Variants in A1CF observed in about 807,000 individuals in gnomAD.
A1CF encodes APOBEC-1 stimulating protein.
In A1CF, 48 loss-of-function variants were observed where a neutral mutation model predicts 68.9. The observed-to-expected ratio is 0.70, with a 90% CI of 0.55 to 0.89. A1CF has a LOEUF of 0.89. Ranked by LOEUF, A1CF falls within the 40% of genes least tolerant of loss-of-function variation. A1CF has a pLI of 0.00. For missense variants in A1CF, 653 were observed against 718.9 expected, an observed-to-expected ratio of 0.91 and a Z score of 1.05; for synonymous variants, 272 against 260.4, an observed-to-expected ratio of 1.04 and a Z score of -0.43.
intron 1 of A1CF, among the ~76,000 whole-genome samples, chr10:50,871,414 A>C (rs1841261593): frequency 2.0e-5 from 3 of 151,948 alleles, no homozygotes; most frequent in Admixed American, 2.0e-4. Context: ...GCTGATGTAA[A>C]AATATCAGTT....
At chr10:50,820,800 A>G (rs551253012) in intron 7 of A1CF, 151 bp from the exon 8 acceptor site, 26 of 534,808 alleles carry the variant, frequency 4.9e-5, no homozygotes, top group Non-Finnish European at 7.3e-5. Flanking sequence ...TCAACAGAAG[A>G]TTTTTTTTGC....
intron 1 of A1CF, among the ~76,000 whole-genome samples, chr10:50,869,675 C>T (rs1267593266): frequency 6.6e-6 from 1 of 151,854 alleles, no homozygotes; most frequent in Non-Finnish European, 1.5e-5. Context: ...AATCAATGTT[C>T]TAGAAGAATA....
chr10:50,858,995 A>G (rs911364500), intron 3 of A1CF, among the ~76,000 whole-genome samples: 3 of 152,166 alleles, frequency 2.0e-5, no homozygotes, highest in East Asian at 1.9e-4. Context: ...CTGACAAAGG[A>G]GCATCTAATG....
chr10:50,843,779 G>A (rs976938079), intron 4 of A1CF, among the ~76,000 whole-genome samples: 2 of 152,158 alleles, frequency 1.3e-5, no homozygotes, highest in African/African-American at 4.8e-5. Context: ...AGAAATTGTA[G>A]CAATTCAAGC....
intron 6 of A1CF, chr10:50,828,569 C>T: frequency 7.4e-6 from 2 of 271,072 alleles, no homozygotes; most frequent in Non-Finnish European, 7.0e-6. Context: ...GCAGCAGAGG[C>T]CACATTTGGC....
chr10:50,811,174 T>C lies in A1CF; in HGVS notation c.1326A>G (p.Ile442Met), dbSNP rs1338254159. Residue 442 changes from isoleucine (I) to methionine (M), a missense_variant and splice_region_variant, in exon 11 of 13, where the codon ATA (isoleucine) becomes ATG (methionine). Ile to Met is a conservative substitution (Grantham distance 10, BLOSUM62 1). Coordinates refer to ENST00000373997, the MANE Select transcript of A1CF (RefSeq NM_014576.4). ...KPQGIKLAPQ[I>M]LEEICQKNNW... The stretch of plus-strand genomic sequence containing the variant: ...TATTTTTCTGACAAATCTCTTCTAA[T>C]ATCTACAAGAATAAAAAAAGTTATT... The C allele has an allele frequency of 6.2e-7, 1 of 1,606,778 alleles. No individual in the cohort carries two copies. The highest frequency in any genetic ancestry group is 1.7e-5 in the Admixed American group (1 of 58,934).
chr10:50,851,923 C>T (rs1250669015), intron 3 of A1CF, among the ~76,000 whole-genome samples: 1 of 152,178 alleles, frequency 6.6e-6, no homozygotes, highest in East Asian at 1.9e-4. Context: ...TCTTCTTTGC[C>T]TAGCTTGTTT....
chr10:50,825,404 A>G (rs966823538), intron 7 of A1CF, among the ~76,000 whole-genome samples: 13 of 152,174 alleles, frequency 8.5e-5, no homozygotes, highest in African/African-American at 2.9e-4. Flanking sequence ...CAGAAACTTG[A>G]AAAATGAAGA....
intron 1 of A1CF, among the ~76,000 whole-genome samples, chr10:50,879,706 C>T (rs1177921928): frequency 2.0e-5 from 3 of 152,116 alleles, no homozygotes; most frequent in Admixed American, 1.3e-4. Context: ...GGAAACCACC[C>T]CCATAATCCT....
intron 10 of A1CF, among the ~76,000 whole-genome samples, chr10:50,812,131 C>A (rs541954074): frequency 6.6e-6 from 1 of 152,052 alleles, no homozygotes; most frequent in East Asian, 1.9e-4. Context: ...TGTGTAGGAT[C>A]TCTTGTAATC....
intron 2 of A1CF, among the ~76,000 whole-genome samples, chr10:50,863,562 C>A (rs1348503896): frequency 6.6e-6 from 1 of 152,030 alleles, no homozygotes; most frequent in Non-Finnish European, 1.5e-5. Flanking sequence ...ATTTTCAAGA[C>A]ATAGGGATGT....
intron 7 of A1CF, among the ~76,000 whole-genome samples, chr10:50,821,074 G>A (rs933047783): frequency 6.6e-6 from 1 of 152,086 alleles, no homozygotes; most frequent in African/African-American, 2.4e-5. Context: ...TTTGTCTTAT[G>A]TAATTAACTT....
At chr10:50,815,038 G>A (rs1384235879) in intron 9 of A1CF, among the ~76,000 whole-genome samples, 1 of 152,182 alleles carries the variant, frequency 6.6e-6, no homozygotes, top group Non-Finnish European at 1.5e-5. Flanking sequence ...CTGAAAAGTA[G>A]TAAAACATAG....
chr10:50,841,711 C>A lies in A1CF; in HGVS notation c.365+151G>T, dbSNP rs1051548293. On this transcript the variant is annotated intron_variant, in intron 5 of 12. Coordinates refer to ENST00000373997, the MANE Select transcript of A1CF (RefSeq NM_014576.4). Reference sequence around the variant, plus strand: ...GTATTGATATTAATAAATATTTAATCAAATTTATTTTTGCCAAGGAAAAAT... The same window carrying A: ...GTATTGATATTAATAAATATTTAATAAAATTTATTTTTGCCAAGGAAAAAT... The A allele has an allele frequency of 2.2e-4, 176 of 813,662 alleles. No homozygotes were observed. The African/African-American group carries it at 2.7e-3, about 13-fold the overall frequency. The allele number at this position is 813,662 out of a possible 1,614,324, so 50.4% of individuals were successfully genotyped here.
At chr10:50,860,033 C>G (rs1468308031) in intron 2 of A1CF, 48 bp from the exon 3 acceptor site, 1 of 932,802 alleles carries the variant, frequency 1.1e-6, no homozygotes. Flanking sequence ...TTGTCAAGTC[C>G]AAACTTCTCC....
chr10:50,850,852 C>T (rs1027413169), intron 3 of A1CF: 35 of 1,550,842 alleles, frequency 2.3e-5, no homozygotes, highest in Middle Eastern at 3.5e-4. Context: ...TTCCTTAATC[C>T]GTTTGGAGCT....
intron 1 of A1CF, among the ~76,000 whole-genome samples, chr10:50,865,916 G>A (rs1408318904): frequency 6.6e-6 from 1 of 152,168 alleles, no homozygotes; most frequent in Non-Finnish European, 1.5e-5. Context: ...AGCTTTCTGA[G>A]CACAGGGACT....
chr10:50,807,223 G>T (rs188281965), intron 12 of A1CF, among the ~76,000 whole-genome samples: 4 of 152,166 alleles, frequency 2.6e-5, no homozygotes, highest in Admixed American at 2.6e-4. Context: ...GCGTTTTGAG[G>T]GTCTCCAAAT....
intron 11 of A1CF, 132 bp downstream of exon 11, chr10:50,810,908 C>T: frequency 9.2e-7 from 1 of 1,089,422 alleles, no homozygotes; most frequent in East Asian, 2.7e-5. Flanking sequence ...AACTACACAT[C>T]TCAATATTTG....
Sources: allele counts gnomAD v4.1 joint callset (sites outside exome capture counted in the v4.1 genomes callset), GRCh38; gene constraint gnomAD v4.1.1; transcripts MANE v1.5; gene names NCBI Gene and HGNC (gene_info 2026-07-23, HGNC 2026-07-21).